GEM: variants seen among roughly 807,000 people sequenced by gnomAD.
GEM encodes the protein GTP binding protein overexpressed in skeletal muscle.
GEM carries 31 observed loss-of-function variants against 33.0 expected under a neutral mutation model. The ratio of observed to expected loss-of-function variants is 0.94; its 90% CI spans 0.71 to 1.27. The LOEUF is 1.27. Among genes scored for constraint, GEM ranks in the 50% most tolerant of loss-of-function variants. GEM has a pLI of 0.00. For synonymous variants in GEM, 141 were observed against 143.7 expected, an observed-to-expected ratio of 0.98 and a Z score of 0.13; for missense variants, 354 against 390.5, an observed-to-expected ratio of 0.91 and a Z score of 0.79.
intron 2 of GEM, among the ~76,000 whole-genome samples, chr8:94,255,322 C>T (rs1289985075): frequency 1.3e-5 from 2 of 152,174 alleles, no homozygotes; most frequent in Admixed American, 6.5e-5. Flanking sequence ...CATGCTTTCC[C>T]GTTCTAGAAG....
At chr8:94,253,397 T>G (rs1348567093) in intron 2 of GEM, among the ~76,000 whole-genome samples, 2 of 152,238 alleles carry the variant, frequency 1.3e-5, no homozygotes, top group African/African-American at 4.8e-5. Flanking sequence ...GGACCTTTTG[T>G]ATGGCAAAAT....
intron 2 of GEM, among the ~76,000 whole-genome samples, chr8:94,253,589 C>T (rs1348417853): frequency 6.6e-6 from 1 of 152,214 alleles, no homozygotes; most frequent in East Asian, 1.9e-4. Flanking sequence ...AGAGACATTG[C>T]TCCTCTTCGG....
At position 94,259,393 on chromosome 8, in the gene GEM, A is replaced by ATAAC. The variant is rs1389761829; in HGVS notation, c.331+776_331+779dup. 2.0e-5 allele frequency among the ~76,000 whole-genome samples: 3 copies of ATAAC among 152,290 alleles called. No homozygotes were observed. In the East Asian group the frequency reaches 5.8e-4, roughly 29 times the overall value. On this transcript the variant is annotated intron_variant, in intron 2 of 4. Transcript: ENST00000297596. Reference sequence around the variant, plus strand: ...TTTCTGTAGCTGCAAATAGGGACATATAACTACCCTGGTCGCATACGCTCA... The same window carrying ATAAC: ...TTTCTGTAGCTGCAAATAGGGACATATAACTAACTACCCTGGTCGCATACGCTCA...
Position 94,250,440 on chromosome 8 carries a change from G to A in GEM, c.761C>T (p.Ala254Val). The A allele has an allele frequency of 6.2e-7, 1 of 1,614,150 alleles. No individual in the cohort carries two copies. The highest frequency in any genetic ancestry group is 8.5e-7 in the Non-Finnish European group (1 of 1,180,024). Residue 254 changes from alanine to valine, a missense_variant, in exon 5 of 5, where the codon GCC becomes GTC. By Grantham distance (64) the Ala-to-Val change is moderately conservative. Transcript: ENST00000297596. ...DSKEKNERRLAYQKRKESMPR... is the reference protein window; with the variant it reads ...DSKEKNERRLVYQKRKESMPR... ...CATGCTCTCCTTCCTTTTCTGGTAGGCCAGCCGCCGTTCATTCTTCTCCTT... is the reference window on the plus strand; with the variant it reads ...CATGCTCTCCTTCCTTTTCTGGTAGACCAGCCGCCGTTCATTCTTCTCCTT...
Position 94,252,215 on chromosome 8 carries a change from A to G in GEM, c.417T>C (p.Asn139=). The change falls in exon 4 of 5, where the codon AAT becomes AAC. Residue 139 remains asparagine (N), a synonymous_variant. Transcript: ENST00000297596. ...GCATGCAGTGGTCATGGAGCCATTC[A>G]TTTTCCCCCTAATGAAACAATAAGA... is the stretch of plus-strand genomic sequence containing the variant. The part of the protein sequence containing the change: ...LLDMWENKGE[N]EWLHDHCMQV... 1 of 1,605,476 alleles carries G rather than the reference A, an allele frequency of 6.2e-7. No individual in the cohort carries two copies. Among genetic ancestry groups the G allele is most frequent in the Non-Finnish European group, 8.5e-7 (1 of 1,173,394 alleles).
chr8:94,261,129 C>G (rs900470253), intron 1 of GEM, among the ~76,000 whole-genome samples: 1 of 152,120 alleles, frequency 6.6e-6, no homozygotes, highest in African/African-American at 2.4e-5. Flanking sequence ...TGGAGAGCAT[C>G]CACCTGCCAT....
At chr8:94,260,128 G>C in intron 2 of GEM, 45 bp downstream of exon 2, 2 of 1,288,468 alleles carry the variant, frequency 1.6e-6, no homozygotes, top group Non-Finnish European at 2.2e-6. Flanking sequence ...TTTCTTCCTG[G>C]GCCACCCCTG....
intron 2 of GEM, among the ~76,000 whole-genome samples, chr8:94,256,771 T>C (rs752654890): frequency 2.0e-5 from 3 of 152,244 alleles, no homozygotes; most frequent in Admixed American, 2.0e-4. Flanking sequence ...TTTTGAAAGA[T>C]AAGCACATCA....
chr8:94,255,479 A>T (rs1808870990), intron 2 of GEM, among the ~76,000 whole-genome samples: 1 of 151,990 alleles, frequency 6.6e-6, no homozygotes, highest in East Asian at 1.9e-4. Flanking sequence ...GAGTTTAGAT[A>T]CGGCCTCTGG....
intron 2 of GEM, among the ~76,000 whole-genome samples, chr8:94,254,894 G>A (rs1808854097): frequency 1.3e-5 from 2 of 152,144 alleles, no homozygotes; most frequent in South Asian, 2.1e-4. Context: ...ACTCTGTCTC[G>A]CCCATCGTGT....
chr8:94,251,414 C>T (rs2445711), intron 4 of GEM, among the ~76,000 whole-genome samples: 108,599 of 152,072 alleles, frequency 0.71, 39,857 homozygotes, highest in African/African-American at 0.87. Flanking sequence ...GAGCAGGGCC[C>T]GGCAATGTAG....
intron 1 of GEM, among the ~76,000 whole-genome samples, chr8:94,261,460 CCA>C (rs1809021290): frequency 6.6e-6 from 1 of 152,206 alleles, no homozygotes. Context: ...AAGAGATCCT[CCA>C]CTTCAGCCTC....
intron 2 of GEM, among the ~76,000 whole-genome samples, chr8:94,255,465 A>G (rs1189657101): frequency 1.3e-5 from 2 of 152,088 alleles, no homozygotes; most frequent in Non-Finnish European, 2.9e-5. Flanking sequence ...CCACCCCAGT[A>G]CATGAGTTTA....
chr8:94,257,680 C>G (rs183302883), intron 2 of GEM, among the ~76,000 whole-genome samples: 196 of 152,284 alleles, frequency 1.3e-3, no homozygotes, highest in African/African-American at 4.1e-3. Context: ...CCCAGAGTGC[C>G]TCACCAAGCT....
Position 94,250,231 on chromosome 8 carries a change from AT to A in GEM, c.*78del, listed in dbSNP as rs1337811624. On this transcript the variant is annotated 3_prime_UTR_variant, in exon 5 of 5. Transcript: ENST00000297596. ...GGGGGAAACCACATCTAACTTAAGT[AT>A]TCAATCTAATATAGATTATTGGTCC... 8.6e-7 allele frequency: 1 copy of A among 1,166,590 alleles called. No individual in the cohort carries two copies. The highest frequency in any genetic ancestry group is 1.5e-5 in the African/African-American group (1 of 65,304). 72.3% of individuals were successfully genotyped at this position (1,166,590 alleles called of 1,614,324 possible).
At position 94,249,763 on chromosome 8, in the gene GEM, TGTTTC is replaced by T. The variant is rs1808720074; in HGVS notation, c.*542_*546del. On this transcript the variant is annotated 3_prime_UTR_variant, in exon 5 of 5. Coordinates refer to ENST00000297596, the MANE Select transcript of GEM (RefSeq NM_005261.4). Reference sequence around the variant, plus strand: ...GAACAAAAATTGTTTGCTAAGCCTTTGTTTCCAGCAAGGTCCACATCATTTCTTTT... The same window carrying T: ...GAACAAAAATTGTTTGCTAAGCCTTTCAGCAAGGTCCACATCATTTCTTTT... The T allele has an allele frequency of 6.6e-6, 1 of 152,244 alleles. No homozygotes were observed. The highest frequency in any genetic ancestry group is 1.5e-5 in the Non-Finnish European group (1 of 68,080). The allele number at this position is 152,244 out of a possible 1,614,324, so 9.4% of individuals were successfully genotyped here. A position where few individuals can be genotyped will look rare whatever the true frequency, so the allele number is the denominator to read the frequency against.
At chr8:94,253,879 T>G (rs902007051) in intron 2 of GEM, among the ~76,000 whole-genome samples, 1 of 152,168 alleles carries the variant, frequency 6.6e-6, no homozygotes, top group East Asian at 1.9e-4. Flanking sequence ...AGGGGTACAG[T>G]GGGATTTTTG....
intron 2 of GEM, among the ~76,000 whole-genome samples, chr8:94,255,513 G>A (rs1808872186): frequency 6.6e-6 from 1 of 152,040 alleles, no homozygotes; most frequent in Non-Finnish European, 1.5e-5. Flanking sequence ...GACCCTTCCA[G>A]CACACATGGC....
chr8:94,255,507 C>T (rs1230852279), intron 2 of GEM, among the ~76,000 whole-genome samples: 3 of 152,168 alleles, frequency 2.0e-5, no homozygotes, highest in Non-Finnish European at 4.4e-5. Flanking sequence ...CACCAGGACC[C>T]TTCCAGCACA....
Sources: allele counts gnomAD v4.1 joint callset (sites outside exome capture counted in the v4.1 genomes callset), GRCh38; gene constraint gnomAD v4.1.1; transcripts MANE v1.5; gene names NCBI Gene and HGNC (gene_info 2026-07-23, HGNC 2026-07-21).